The following TNNT1 variants were observed in gnomAD, a reference collection of about 807,000 sequenced individuals.
The protein encoded by TNNT1 is troponin T, slow skeletal muscle.
A neutral mutation model predicts 50.6 loss-of-function variants in TNNT1; 53 were observed. The observed-to-expected ratio is 1.05, with a 90% CI of 0.84 to 1.32. TNNT1 has a LOEUF of 1.32. TNNT1 is among the 40% of genes most tolerant of loss of function. The probability of loss-of-function intolerance (pLI) is 0.00; values close to 1 mark genes in which losing one functional copy is unlikely to be tolerated. For missense variants in TNNT1, 348 were observed against 381.7 expected (o/e 0.91, Z 0.74); for synonymous variants, 142 against 138.0 (o/e 1.03, Z -0.20).
At chr19:55,145,013 G>A (rs2085521488) in intron 6 of TNNT1, among the ~76,000 whole-genome samples, 1 of 152,114 alleles carries the variant, frequency 6.6e-6, no homozygotes, top group African/African-American at 2.4e-5. Flanking sequence ...AAACAGACTG[G>A]CTGGGCATGG....
chr19:55,145,813 C>T (rs902387846), intron 5 of TNNT1, among the ~76,000 whole-genome samples: 1 of 151,952 alleles, frequency 6.6e-6, no homozygotes, highest in African/African-American at 2.4e-5. Context: ...TGGGGACCCC[C>T]CACCCCCACT....
chr19:55,137,034 G>T (rs145518184), intron 11 of TNNT1, 69 bp downstream of exon 11: 10 of 1,006,908 alleles, frequency 9.9e-6, no homozygotes, highest in Middle Eastern at 2.3e-4. Flanking sequence ...CCCAGATCTG[G>T]GTGTGAGCTC....
At chr19:55,147,683 C>CTGAGGGGGGAGGGGCCCCAGGCT (rs1555860239) in intron 1 of TNNT1, among the ~76,000 whole-genome samples, 1 of 90,416 alleles carries the variant, frequency 1.1e-5, no homozygotes, top group Non-Finnish European at 2.2e-5. Flanking sequence ...GGGCTGGGGT[C>CTGAGGGGGGAGGGGCCCCAGGCT]TGGACTCCTG....
chr19:55,146,799 G>A (rs11550310), intron 3 of TNNT1, 92 bp from the exon 4 acceptor site: 3 of 1,175,502 alleles, frequency 2.6e-6, no homozygotes, highest in East Asian at 5.2e-5. Context: ...TCTGCTGGAC[G>A]GGGGTCCCTC....
chr19:55,133,716 C>A, intron 13 of TNNT1, 171 bp downstream of exon 13: 1 of 718,190 alleles, frequency 1.4e-6, no homozygotes, highest in Non-Finnish European at 2.4e-6. Flanking sequence ...GAAAAAGGAA[C>A]TGAGACCCAG....
chr19:55,141,232 T>C lies in TNNT1; in HGVS notation c.263A>G (p.Gln88Arg), dbSNP rs2147254988. ...CAGCTCCTCTTCCTCCTTCTTCCGC[T>C]GCTCGAAATGTACATCGATGAGTGT... The part of the protein sequence containing the change: ...LQTLIDVHFE[Q>R]RKKEEEELVA... The change falls in exon 8 of 14, where the codon CAG becomes CGG. Residue 88 changes from glutamine to arginine, a missense_variant. Around this residue, in one of 3 missense-constraint regions of TNNT1, gnomAD observed 253 missense variants for 291.8 expected, o/e 0.87. Coordinates refer to ENST00000588981, the MANE Select transcript of TNNT1 (RefSeq NM_003283.6). The C allele has an allele frequency of 1.2e-6, 2 of 1,614,268 alleles. No individual in the cohort carries two copies. Among genetic ancestry groups the C allele is most frequent in the African/African-American group, 2.7e-5 (2 of 75,080 alleles).
At chr19:55,134,321 C>A in intron 11 of TNNT1, 117 bp from the exon 12 acceptor site, 1 of 1,074,438 alleles carries the variant, frequency 9.3e-7, no homozygotes, top group South Asian at 1.4e-5. Flanking sequence ...TATTTGAGGC[C>A]GAGAGTTTTA....
chr19:55,141,373 T>A, intron 7 of TNNT1, 71 bp from the exon 8 acceptor site: 2 of 1,121,692 alleles, frequency 1.8e-6, no homozygotes, highest in South Asian at 1.2e-5. Flanking sequence ...ACCTCCCCCA[T>A]GCAGGATGGT....
rs778538762 is a variant in TNNT1 at position 55,140,872 on chromosome 19, G to A, written c.387+11C>T. The A allele has an allele frequency of 1.2e-5, 20 of 1,612,764 alleles. No homozygotes were observed. Among genetic ancestry groups the A allele is most frequent in the Admixed American group, 1.7e-5 (1 of 59,980 alleles). On this transcript the variant is annotated intron_variant, in intron 9 of 13. Transcript: ENST00000588981. ...TAACATTTGGGCTCTCAGGGCAGGG[G>A]AGGCACCCACCGCCAGCTTAGCCTG...
At chr19:55,135,529 T>G in intron 11 of TNNT1, 1 of 236,538 alleles carries the variant, frequency 4.2e-6, no homozygotes, top group Non-Finnish European at 8.4e-6. Context: ...CTCAGCCTTT[T>G]TTTTTTTTTT....
At chr19:55,141,045 G>T in intron 8 of TNNT1, 85 bp from the exon 9 acceptor site, 1 of 1,554,536 alleles carries the variant, frequency 6.4e-7, no homozygotes, top group Non-Finnish European at 8.9e-7. Context: ...AGATTGGAGT[G>T]TGGCCACCGA....
chr19:55,135,224 C>T (rs1215376693), intron 11 of TNNT1, among the ~76,000 whole-genome samples: 1 of 152,152 alleles, frequency 6.6e-6, no homozygotes, highest in Non-Finnish European at 1.5e-5. Flanking sequence ...CTGCTTGGAT[C>T]ATCCATGTGA....
At chr19:55,146,572 G>A (rs1223908350) in intron 4 of TNNT1, 106 bp from the exon 5 acceptor site, 26 of 1,191,024 alleles carry the variant, frequency 2.2e-5, no homozygotes, top group African/African-American at 3.1e-5. Context: ...GGCTGTTAGA[G>A]GACCGGGAGC....
At chr19:55,145,411 G>C in intron 6 of TNNT1, 133 bp downstream of exon 6, 2 of 774,008 alleles carry the variant, frequency 2.6e-6, no homozygotes, top group Admixed American at 2.0e-5. Context: ...GGGAGGAGGA[G>C]GAGGAGGAGA....
chr19:55,147,685 G>A (rs1453072367), intron 1 of TNNT1, among the ~76,000 whole-genome samples: 1 of 69,566 alleles, frequency 1.4e-5, no homozygotes. Flanking sequence ...GCTGGGGTCT[G>A]GACTCCTGGA....
Position 55,145,540 on chromosome 19 carries a change from T to A in TNNT1, c.128+4A>T. ...CTGGGGCCCCCCACCCTGTAGGATC[T>A]CACCTTGGTTTGGGGCGTTCCTCTT... On this transcript the variant is annotated splice_donor_region_variant and intron_variant, in intron 6 of 13. Coordinates refer to ENST00000588981, the MANE Select transcript of TNNT1 (RefSeq NM_003283.6). The A allele has an allele frequency of 6.2e-7, 1 of 1,613,368 alleles. No homozygotes were observed. The highest frequency in any genetic ancestry group is 8.5e-7 in the Non-Finnish European group (1 of 1,179,636).
At chr19:55,136,552 C>T (rs1030082303) in intron 11 of TNNT1, among the ~76,000 whole-genome samples, 8 of 152,196 alleles carry the variant, frequency 5.3e-5, no homozygotes, top group African/African-American at 1.9e-4. Context: ...TGGGCAGGGG[C>T]TTTCGGTGCA....
chr19:55,133,825 G>A, intron 13 of TNNT1, 62 bp downstream of exon 13: 3 of 1,600,792 alleles, frequency 1.9e-6, no homozygotes, highest in African/African-American at 1.3e-5. Context: ...GGGAGGGAAA[G>A]AGGCCTGAGA....
chr19:55,145,571 G>A lies in TNNT1; in HGVS notation c.107-6C>T. 1 of 1,613,536 alleles carries A rather than the reference G, an allele frequency of 6.2e-7. No homozygotes were observed. The highest frequency in any genetic ancestry group is 1.1e-5 in the South Asian group (1 of 91,060). The stretch of plus-strand genomic sequence containing the variant: ...TGGTTTGGGGCGTTCCTCTTCTGTT[G>A]GTGGTGGGGGATAAAAAGAGATAAT... On this transcript the variant is annotated splice_region_variant and splice_polypyrimidine_tract_variant and intron_variant, in intron 5 of 13. Coordinates refer to ENST00000588981, the MANE Select transcript of TNNT1 (RefSeq NM_003283.6).
Sources: gnomAD v4.1 joint callset for allele counts (sites outside exome capture counted in the v4.1 genomes callset) on GRCh38, gnomAD v4.1.1 for gene constraint, gnomAD v4.1.1 regional missense constraint, MANE v1.5 for transcripts, NCBI Gene and HGNC (gene_info 2026-07-23, HGNC 2026-07-21) for gene names.